Variants in MED23 observed in about 807,000 individuals in gnomAD.
MED23 encodes the protein mediator complex subunit 23, also known as mediator of RNA polymerase II transcription subunit 23.
MED23 carries 105 observed loss-of-function variants against 163.9 expected under a neutral mutation model. The ratio of observed to expected loss-of-function variants is 0.64; its 90% CI spans 0.55 to 0.75. The LOEUF (loss-of-function observed/expected upper bound fraction) is 0.75. Ranked by LOEUF, MED23 falls within the 30% of genes least tolerant of loss-of-function variation. The pLI, the probability that MED23 is intolerant of heterozygous loss-of-function variation, is 0.00. For synonymous variants in MED23, 561 were observed against 565.6 expected (o/e 0.99, Z 0.12); for missense variants, 1,054 against 1,649.0 (o/e 0.64, Z 6.25).
chr6:131,613,931 T>C (rs2114717334), intron 10 of MED23, among the ~76,000 whole-genome samples: 1 of 152,226 alleles, frequency 6.6e-6, no homozygotes, highest in Non-Finnish European at 1.5e-5. Context: ...GGGGAGGGTA[T>C]TTGCAGCTCA....
chr6:131,607,951 C>T lies in MED23; in HGVS notation c.1198G>A (p.Asp400Asn), dbSNP rs1229061787. 3.1e-6 allele frequency: 5 copies of T among 1,613,632 alleles called. No individual in the cohort carries two copies. The highest frequency in any genetic ancestry group is 4.2e-6 in the Non-Finnish European group (5 of 1,179,878). Residue 400 changes from aspartate (D) to asparagine (N), a missense_variant, in exon 12 of 29, where the codon GAC becomes AAC. Physicochemically the swap from Asp to Asn is conservative, Grantham distance 23. Transcript: ENST00000368068. The stretch of plus-strand genomic sequence containing the variant: ...ACTTCTTTTTCTGGGTATAGCAAGT[C>T]GAAGAGCTTCATCACAGGGAGAAAA... The part of the protein sequence containing the change: ...ADFLPVMKLF[D>N]LLYPEKEYIP...
intron 7 of MED23, among the ~76,000 whole-genome samples, chr6:131,620,248 G>A (rs892300621): frequency 6.6e-6 from 1 of 151,942 alleles, no homozygotes. Flanking sequence ...AAAAAAATAA[G>A]CACACAAAAA....
At chr6:131,574,636 G>C (rs1015756639) in intron 30 of MED23, among the ~76,000 whole-genome samples, 10 of 152,122 alleles carry the variant, frequency 6.6e-5, no homozygotes, top group Non-Finnish European at 1.5e-4. Context: ...TCATAGAGTA[G>C]AGAGGATAAA....
chr6:131,607,020 T>C (rs1775900889), intron 12 of MED23, among the ~76,000 whole-genome samples: 1 of 152,032 alleles, frequency 6.6e-6, no homozygotes, highest in African/African-American at 2.4e-5. Flanking sequence ...ATAATAATTT[T>C]TAAGAACAGA....
At chr6:131,615,777 A>G (rs1776646546) in intron 10 of MED23, 130 bp downstream of exon 10, 1 of 712,260 alleles carries the variant, frequency 1.4e-6, no homozygotes, top group Non-Finnish European at 2.5e-6. Flanking sequence ...TGTTTAAAAA[A>G]CCATGTATAT....
In MED23 at chr6:131,586,953, A is replaced by C; in HGVS notation, c.*726T>G. 3 of 1,482,046 alleles carry C rather than the reference A, an allele frequency of 2.0e-6. No individual in the cohort carries two copies. The highest frequency in any genetic ancestry group is 2.7e-6 in the Non-Finnish European group (3 of 1,107,316). The allele number at this position is 1,482,046 out of a possible 1,614,324, so 91.8% of individuals were successfully genotyped here. A position where few individuals can be genotyped will look rare whatever the true frequency, so the allele number is the denominator to read the frequency against. The stretch of plus-strand genomic sequence containing the variant: ...GAGTGTCAACCTGCAAAAGCAATTA[A>C]CTTATTTTTAAAAAAAGAAATTGGA... On this transcript the variant is annotated 3_prime_UTR_variant, in exon 29 of 29. Transcript: ENST00000368068.
downstream of MED23, chr6:131,584,359 A>C (rs1355182339): frequency 4.5e-5 from 7 of 155,056 alleles, no homozygotes; most frequent in Non-Finnish European, 7.8e-5. Flanking sequence ...TTCTAAATAC[A>C]TGCAACACAC....
In MED23 at chr6:131,598,096, C is replaced by A. The variant is rs1288845121; in HGVS notation, c.2607+191G>T. ...CAGAGCGAGACCCTGTCTCAAAAAA[C>A]AAACAAAAAAACAAAAACAAACAAA... On this transcript the variant is annotated intron_variant, in intron 20 of 28. Transcript: ENST00000368068. This position sits in a 1 kb window ranked among gnomAD's most constrained non-coding sequence, Gnocchi z 4.7. Among the ~76,000 whole-genome samples, 7 of 151,890 alleles carry A rather than the reference C, an allele frequency of 4.6e-5. No individual in the cohort carries two copies. Among genetic ancestry groups the A allele is most frequent in the African/African-American group, 1.7e-4 (7 of 41,356 alleles).
In MED23 at chr6:131,602,238, G is replaced by C. The variant is rs1401874524; in HGVS notation, c.2075C>G (p.Ala692Gly). 4 of 1,613,782 alleles carry C rather than the reference G, an allele frequency of 2.5e-6. No individual in the cohort carries two copies. Among genetic ancestry groups the C allele is most frequent in the East Asian group, 4.5e-5 (2 of 44,858 alleles). The change falls in exon 17 of 29, where the codon GCT becomes GGT. Residue 692 changes from alanine (A) to glycine (G), a missense_variant. Around this residue, in one of 11 missense-constraint regions of MED23, gnomAD observed 228 missense variants for 461.3 expected, o/e 0.49. Coordinates refer to ENST00000368068, the MANE Select transcript of MED23 (RefSeq NM_004830.4). ...ELNRALILTL[A>G]RATHVTDFFT... is the part of the protein sequence containing the mutation. ...CGTACCTGTTACATGAGTTGCTCTA[G>C]CCAAGGTCAATATCAAGGCTCGGTT... is the stretch of plus-strand genomic sequence containing the variant.
At chr6:131,608,319 T>TA (rs142057396) in intron 11 of MED23, among the ~76,000 whole-genome samples, 4,747 of 152,126 alleles carry the variant, frequency 0.031, 257 homozygotes, top group African/African-American at 0.11. Flanking sequence ...CTAATGCATA[T>TA]AAAAATGCAA....
At position 131,598,588 on chromosome 6, in the gene MED23, C is replaced by T; in HGVS notation, c.2394G>A (p.Leu798=). The T allele has an allele frequency of 6.2e-7, 1 of 1,614,010 alleles. No individual in the cohort carries two copies. The change falls in exon 19 of 29, where the codon TTG becomes TTA. Residue 798 remains leucine, a synonymous_variant. Coordinates refer to ENST00000368068, the MANE Select transcript of MED23 (RefSeq NM_004830.4). This position sits in a 1 kb window ranked among gnomAD's most constrained non-coding sequence, Gnocchi z 4.7. ...CAATCTGATTAATATGATCTGTTTC[C>T]AAGAGCATTTTCCAGAGAAGACAAA... is the stretch of plus-strand genomic sequence containing the variant. The part of the protein sequence containing the change: ...LFLCLLWKML[L]ETDHINQIGY...
In MED23 at chr6:131,586,797, A is replaced by G; in HGVS notation, c.*882T>C. On this transcript the variant is annotated 3_prime_UTR_variant, in exon 29 of 29. Transcript: ENST00000368068. ...ACTCATTAGTTTTCAAGTCTTTCGC[A>G]ATGCCAATTCCCCCAAAATTAACAA... 1.3e-6 allele frequency: 2 copies of G among 1,504,378 alleles called. No individual in the cohort carries two copies. Among genetic ancestry groups the G allele is most frequent in the South Asian group, 1.2e-5 (1 of 82,430 alleles). 93.2% of individuals were successfully genotyped at this position (1,504,378 alleles called of 1,614,324 possible).
chr6:131,618,528 A>G lies in MED23; in HGVS notation c.668-9T>C, dbSNP rs750946792. 10 of 1,589,940 alleles carry G rather than the reference A, an allele frequency of 6.3e-6. 2 individuals carry two copies. The South Asian group carries it at 1.1e-4, about 18-fold the overall frequency. On this transcript the variant is annotated splice_polypyrimidine_tract_variant and intron_variant, in intron 8 of 28. Coordinates refer to ENST00000368068, the MANE Select transcript of MED23 (RefSeq NM_004830.4). ...CAGAAGACTACAGCGACCTGTATGTATTACAAAAATGTTTTTAAGTAAATG... is the reference window on the plus strand; with the variant it reads ...CAGAAGACTACAGCGACCTGTATGTGTTACAAAAATGTTTTTAAGTAAATG...
At chr6:131,579,494 C>G in intron 30 of MED23, 1 of 481,138 alleles carries the variant, frequency 2.1e-6, no homozygotes, top group Non-Finnish European at 3.7e-6. Flanking sequence ...GTATTTTGAC[C>G]TAGTACAGCA....
intron 6 of MED23, among the ~76,000 whole-genome samples, 186 bp downstream of exon 6, chr6:131,621,695 G>T (rs1264904250): frequency 6.6e-6 from 1 of 152,190 alleles, no homozygotes; most frequent in East Asian, 1.9e-4. Flanking sequence ...TTAAAACCAT[G>T]AATTAAAATT....
At chr6:131,593,209 A>G in intron 23 of MED23, 38 bp from the exon 24 acceptor site, 1 of 1,599,242 alleles carries the variant, frequency 6.3e-7, no homozygotes, top group South Asian at 1.1e-5. Context: ...GGACTATCTC[A>G]TCTGATTGTC....
chr6:131,580,907 C>T lies in MED23; in HGVS notation c.4096-6612G>A, dbSNP rs189404945. On this transcript the variant is annotated intron_variant, in intron 30 of 30. Transcript: ENST00000354577. ...TCATGCTAAGGAATTTCTTGTGTGG[C>T]TAGTATTTTTATACTCATTTATTTT... Among the ~76,000 whole-genome samples, 279 of 152,212 alleles carry T rather than the reference C, an allele frequency of 1.8e-3. 2 individuals are homozygous for T. The highest frequency in any genetic ancestry group is 6.6e-3 in the African/African-American group (273 of 41,530).
In MED23 at chr6:131,587,594, A is replaced by T; in HGVS notation, c.*85T>A. 1.2e-6 allele frequency: 2 copies of T among 1,600,086 alleles called. No homozygotes were observed. The highest frequency in any genetic ancestry group is 1.7e-6 in the Non-Finnish European group (2 of 1,172,608). ...ATCACTGCTTCTACTATATCACTAC[A>T]GTGTGATCGCATTCAGATTTAAAAG... On this transcript the variant is annotated 3_prime_UTR_variant, in exon 29 of 29. Coordinates refer to ENST00000368068, the MANE Select transcript of MED23 (RefSeq NM_004830.4).
intron 15 of MED23, among the ~76,000 whole-genome samples, chr6:131,603,730 A>G (rs1320218168): frequency 6.6e-6 from 1 of 152,154 alleles, no homozygotes; most frequent in Non-Finnish European, 1.5e-5. Flanking sequence ...ATCAGAAAGT[A>G]TCTATTATTT....
Sources: allele counts gnomAD v4.1 joint callset (sites outside exome capture counted in the v4.1 genomes callset), GRCh38; gene constraint gnomAD v4.1.1; regional missense constraint gnomAD v4.1.1; non-coding constraint Gnocchi (gnomAD v3.1); transcripts MANE v1.5; gene names NCBI Gene and HGNC (gene_info 2026-07-23, HGNC 2026-07-21).